ADGRB2: variants seen among roughly 807,000 people sequenced by gnomAD.
ADGRB2 encodes the protein brain-specific angiogenesis inhibitor 2.
Under a neutral mutation model 178.7 loss-of-function variants are expected in ADGRB2, and 47 were observed. The observed-to-expected ratio is 0.26, with a 90% CI of 0.21 to 0.34. The LOEUF (loss-of-function observed/expected upper bound fraction) is 0.34. Among genes scored for constraint, ADGRB2 ranks in the 10% least tolerant of loss-of-function variants. The pLI is 1.00. For synonymous variants in ADGRB2, 870 were observed against 912.4 expected, an observed-to-expected ratio of 0.95 and a Z score of 0.84; for missense variants, 1,584 against 2,180.8, an observed-to-expected ratio of 0.73 and a Z score of 5.45.
In ADGRB2 at chr1:31,756,979, G is replaced by A. The variant is rs1384758248; in HGVS notation, c.22-164C>T. Among the ~76,000 whole-genome samples the A allele has an allele frequency of 6.6e-6, 1 of 152,174 alleles. No homozygotes were observed. The highest frequency in any genetic ancestry group is 1.5e-5 in the Non-Finnish European group (1 of 68,028). On this transcript the variant is annotated intron_variant, in intron 3 of 32. Transcript: ENST00000373658. This position sits in a 1 kb window ranked among gnomAD's most constrained non-coding sequence, Gnocchi z 8.5. ...CTTAGACAAGGGACTTGACCTCTCT[G>A]AGCCTCAGTTTCCTTACCTGTAAAA... is the stretch of plus-strand genomic sequence containing the variant.
chr1:31,759,549 C>T lies in ADGRB2; in HGVS notation c.-190-2038G>A. On this transcript the variant is annotated intron_variant, in intron 1 of 32. Coordinates refer to ENST00000373658, the MANE Select transcript of ADGRB2 (RefSeq NM_001364857.2). The surrounding 1 kb of genome is among the most constrained non-coding windows in gnomAD (Gnocchi z 4.3). ...GGAGTCACTTTTAACCCAATCCAAC[C>T]CCCCTCCTCCCCTCAGTCTCCTTCA... is the stretch of plus-strand genomic sequence containing the variant. 1.7e-6 allele frequency: 1 copy of T among 603,124 alleles called. No homozygotes were observed. Among genetic ancestry groups the T allele is most frequent in the Non-Finnish European group, 3.0e-6 (1 of 334,648 alleles). The allele number at this position is 603,124 out of a possible 1,614,324, so 37.4% of individuals were successfully genotyped here.
intron 6 of ADGRB2, 139 bp from the exon 7 acceptor site, chr1:31,743,141 AG>A: frequency 9.5e-7 from 1 of 1,048,916 alleles, no homozygotes; most frequent in Non-Finnish European, 1.3e-6. Flanking sequence ...ATCTGTTGCC[AG>A]GGGGATCTCC....
intron 4 of ADGRB2, among the ~76,000 whole-genome samples, chr1:31,752,002 T>C (rs181150861): frequency 9.1e-4 from 138 of 152,332 alleles, no homozygotes; most frequent in Non-Finnish European, 7.9e-4. Context: ...ACCCCCGCTT[T>C]ACAGGTGATG....
chr1:31,737,794 A>AG, intron 18 of ADGRB2, 39 bp from the exon 19 acceptor site: 2 of 1,582,084 alleles, frequency 1.3e-6, no homozygotes, highest in Non-Finnish European at 1.7e-6. Context: ...GGTTCCTGGG[A>AG]GGGGGGAGCT....
chr1:31,743,083 CAG>C, intron 6 of ADGRB2, 81 bp from the exon 7 acceptor site: 30 of 1,334,358 alleles, frequency 2.2e-5, no homozygotes, highest in Admixed American at 3.5e-5. Flanking sequence ...GCCCACCAAT[CAG>C]GAGCTCCGCA....
intron 18 of ADGRB2, 87 bp downstream of exon 18, chr1:31,738,113 C>T: frequency 6.4e-7 from 1 of 1,556,980 alleles, no homozygotes; most frequent in Non-Finnish European, 8.7e-7. Context: ...CAGGATCACC[C>T]AGGCGCCTGC....
At chr1:31,750,723 C>T (rs766556917) in intron 4 of ADGRB2, among the ~76,000 whole-genome samples, 4 of 152,122 alleles carry the variant, frequency 2.6e-5, no homozygotes, top group Non-Finnish European at 4.4e-5. Context: ...CATGGCACCC[C>T]ATCCCCAGCA....
At chr1:31,742,349 G>A in intron 7 of ADGRB2, 132 bp from the exon 8 acceptor site, 2 of 1,262,838 alleles carry the variant, frequency 1.6e-6, no homozygotes, top group Non-Finnish European at 2.2e-6. Flanking sequence ...ACTGGAGTGG[G>A]GAGGGGAGGG....
intron 14 of ADGRB2, 122 bp downstream of exon 14, chr1:31,739,804 T>C (rs1569874263): frequency 1.7e-6 from 2 of 1,196,520 alleles, no homozygotes; most frequent in Non-Finnish European, 2.4e-6. Context: ...AGACCACACA[T>C]AGATGAAGGA....
Position 31,740,895 on chromosome 1 carries a change from GCACACACACACACA to G in ADGRB2, c.1795-368_1795-355del, listed in dbSNP as rs145689822. ...AATGAGCATGTGTGTGGGCGCGCGC[GCACACACACACACA>G]CACACACACACACACACTGTCTTTC... On this transcript the variant is annotated intron_variant, in intron 11 of 32. Coordinates refer to ENST00000373658, the MANE Select transcript of ADGRB2 (RefSeq NM_001364857.2). The surrounding 1 kb of genome is among the most constrained non-coding windows in gnomAD (Gnocchi z 5.9). 7.1e-6 allele frequency among the ~76,000 whole-genome samples: 1 copy of G among 140,390 alleles called. No individual in the cohort carries two copies. Among genetic ancestry groups the G allele is most frequent in the Non-Finnish European group, 1.5e-5 (1 of 64,880 alleles). The allele number at this position is 140,390 out of a possible 152,430, so 92.1% of individuals were successfully genotyped here.
chr1:31,751,640 T>C (rs189423091), intron 4 of ADGRB2, among the ~76,000 whole-genome samples: 49 of 152,360 alleles, frequency 3.2e-4, no homozygotes, highest in Non-Finnish European at 5.9e-4. Context: ...TTATCTTCTA[T>C]TTCAGATAAA....
rs754695770 is a variant in ADGRB2, at chr1:31,742,905, C to T, written c.1185G>A (p.Gln395=). Residue 395 remains glutamine (Q), a synonymous_variant, in exon 7 of 33, where the codon CAG becomes CAA. Transcript: ENST00000373658. ...GACCCTCGCAGGCCTTGCCGCCGTGCTGGGGGGGCACGCAGGTCCGCATCC... is the reference window on the plus strand; with the variant it reads ...GACCCTCGCAGGCCTTGCCGCCGTGTTGGGGGGGCACGCAGGTCCGCATCC... ...RSRMRTCVPP[Q]HGGKACEGPE... is the part of the protein sequence containing the mutation. 6.5e-7 allele frequency: 1 copy of T among 1,542,180 alleles called. No homozygotes were observed.
intron 4 of ADGRB2, among the ~76,000 whole-genome samples, chr1:31,747,067 TCA>T (rs1646315370): frequency 6.6e-6 from 1 of 152,214 alleles, no homozygotes; most frequent in Non-Finnish European, 1.5e-5. Flanking sequence ...GATAAAGTCA[TCA>T]GTGTCCTCCT....
chr1:31,760,278 T>C (rs925699551), intron 1 of ADGRB2, among the ~76,000 whole-genome samples: 14 of 152,126 alleles, frequency 9.2e-5, no homozygotes, highest in Admixed American at 2.0e-4. Context: ...CTGGCTGAAG[T>C]AGTCTCCCTC....
At position 31,756,819 on chromosome 1, in the gene ADGRB2, T is replaced by C. The variant is rs914989733; in HGVS notation, c.22-4A>G. 6 of 1,460,112 alleles carry C rather than the reference T, an allele frequency of 4.1e-6. No individual in the cohort carries two copies. Among genetic ancestry groups the C allele is most frequent in the Non-Finnish European group, 5.4e-6 (6 of 1,103,060 alleles). 90.4% of individuals were successfully genotyped at this position (1,460,112 alleles called of 1,614,324 possible). A position where few individuals can be genotyped will look rare whatever the true frequency, so the allele number is the denominator to read the frequency against. ...GGGTCATCCTATGTCCCTTGCCCTGTGGAGAGAGACAGTGGTCAGCGGGCC... is the reference window on the plus strand; with the variant it reads ...GGGTCATCCTATGTCCCTTGCCCTGCGGAGAGAGACAGTGGTCAGCGGGCC... On this transcript the variant is annotated splice_region_variant and splice_polypyrimidine_tract_variant and intron_variant, in intron 3 of 32. Coordinates refer to ENST00000373658, the MANE Select transcript of ADGRB2 (RefSeq NM_001364857.2). This position sits in a 1 kb window ranked among gnomAD's most constrained non-coding sequence, Gnocchi z 8.5.
At position 31,740,081 on chromosome 1, in the gene ADGRB2, G is replaced by A. The variant is rs750288632; in HGVS notation, c.2058+29C>T. The A allele has an allele frequency of 1.9e-5, 30 of 1,614,042 alleles. No homozygotes were observed. Among genetic ancestry groups the A allele is most frequent in the Non-Finnish European group, 2.3e-5 (27 of 1,179,996 alleles). On this transcript the variant is annotated intron_variant, in intron 13 of 32. Transcript: ENST00000373658. This position sits in a 1 kb window ranked among gnomAD's most constrained non-coding sequence, Gnocchi z 5.9. ...GGGTCCAAGGCAGGGTGGGTCACGG[G>A]AGGAGAAGCTGGCAGCTGTGCCCCG...
chr1:31,748,998 T>C (rs904218451), intron 4 of ADGRB2, among the ~76,000 whole-genome samples: 1 of 152,216 alleles, frequency 6.6e-6, no homozygotes, highest in Admixed American at 6.5e-5. Context: ...CTCTTTCCAC[T>C]GTACTACACT....
At chr1:31,746,134 T>C (rs1646258705) in intron 4 of ADGRB2, among the ~76,000 whole-genome samples, 1 of 152,288 alleles carries the variant, frequency 6.6e-6, no homozygotes, top group South Asian at 2.1e-4. Flanking sequence ...CCCTGCTTTA[T>C]CCTCTGGAGA....
intron 28 of ADGRB2, among the ~76,000 whole-genome samples, chr1:31,731,832 G>A (rs879846673): frequency 2.6e-5 from 4 of 152,160 alleles, no homozygotes; most frequent in African/African-American, 4.8e-5. Flanking sequence ...CTAAGAACTC[G>A]ATGTCCCCGA....
Sources: gnomAD v4.1 joint callset for allele counts (sites outside exome capture counted in the v4.1 genomes callset) on GRCh38, gnomAD v4.1.1 for gene constraint, Gnocchi (gnomAD v3.1) non-coding constraint, MANE v1.5 for transcripts, NCBI Gene and HGNC (gene_info 2026-07-23, HGNC 2026-07-21) for gene names.